The following KDM2B variants were observed in gnomAD, a reference collection of about 807,000 sequenced individuals.
KDM2B encodes lysine demethylase 2B, also known as lysine-specific demethylase 2B.
A neutral mutation model predicts 150.0 loss-of-function variants in KDM2B; 26 were observed. The observed-to-expected ratio is 0.17, with a 90% CI of 0.13 to 0.24. The LOEUF (loss-of-function observed/expected upper bound fraction) is 0.24. KDM2B is among the 10% of genes least tolerant of loss of function. The probability of loss-of-function intolerance (pLI) is 1.00; values close to 1 mark genes in which losing one functional copy is unlikely to be tolerated. For missense variants in KDM2B, 1,265 were observed against 1,816.9 expected, an observed-to-expected ratio of 0.70 and a Z score of 5.52; for synonymous variants, 734 against 729.5, an observed-to-expected ratio of 1.01 and a Z score of -0.10.
intron 8 of KDM2B, among the ~76,000 whole-genome samples, chr12:121,525,370 C>T (rs1436515140): frequency 6.6e-6 from 1 of 152,044 alleles, no homozygotes; most frequent in African/African-American, 2.4e-5. Flanking sequence ...AGGTTCAAGC[C>T]ATTCTCCTGC....
intron 4 of KDM2B, among the ~76,000 whole-genome samples, chr12:121,559,763 C>T (rs892924547): frequency 2.0e-5 from 3 of 151,872 alleles, no homozygotes; most frequent in African/African-American, 7.3e-5. Flanking sequence ...ATTAGTCAGG[C>T]ATGGTGGCGC....
intron 7 of KDM2B, among the ~76,000 whole-genome samples, chr12:121,534,151 C>T (rs1455738315): frequency 1.3e-5 from 2 of 152,094 alleles, no homozygotes; most frequent in African/African-American, 2.4e-5. Context: ...AGATCGAGAC[C>T]ATCCTGGCTA....
chr12:121,495,455 C>T (rs533672692), intron 11 of KDM2B, among the ~76,000 whole-genome samples: 37 of 152,302 alleles, frequency 2.4e-4, no homozygotes, highest in African/African-American at 8.9e-4. Flanking sequence ...GCCAACACGC[C>T]CAGCCATAAT....
At chr12:121,502,747 C>T (rs566839551) in intron 11 of KDM2B, among the ~76,000 whole-genome samples, 1 of 143,146 alleles carries the variant, frequency 7.0e-6, no homozygotes, top group East Asian at 2.0e-4. Context: ...CAGAGCGAGA[C>T]CCCCATCTCT....
chr12:121,501,146 A>G (rs1884505675), intron 11 of KDM2B, among the ~76,000 whole-genome samples: 1 of 152,150 alleles, frequency 6.6e-6, no homozygotes, highest in African/African-American at 2.4e-5. Flanking sequence ...AATTTAGGGT[A>G]GACCCTAAAC....
In KDM2B at chr12:121,513,451, G is replaced by A. The variant is rs1267564185; in HGVS notation, c.1048-49C>T. 6.3e-7 allele frequency: 1 copy of A among 1,594,100 alleles called. No individual in the cohort carries two copies. Among genetic ancestry groups the A allele is most frequent in the Non-Finnish European group, 8.6e-7 (1 of 1,164,284 alleles). On this transcript the variant is annotated intron_variant, in intron 9 of 22. Coordinates refer to ENST00000377071, the MANE Select transcript of KDM2B (RefSeq NM_032590.5). This position sits in a 1 kb window ranked among gnomAD's most constrained non-coding sequence, Gnocchi z 5.0. ...CAGAGGTCAGTTTCCAGAGGGCGAA[G>A]GGGGAAGGAGGGAGAGAAGTGCGGG...
chr12:121,490,924 C>T (rs1400895498), intron 12 of KDM2B, among the ~76,000 whole-genome samples: 1 of 152,158 alleles, frequency 6.6e-6, no homozygotes, highest in African/African-American at 2.4e-5. Flanking sequence ...AGATCAAATA[C>T]CACTCCCTAC....
chr12:121,517,679 C>G (rs1158348679), intron 9 of KDM2B, among the ~76,000 whole-genome samples: 2 of 151,756 alleles, frequency 1.3e-5, no homozygotes, highest in East Asian at 1.9e-4. Context: ...CCATGTTGGC[C>G]AGGCTGGTCT....
chr12:121,509,089 T>C (rs782774856), intron 11 of KDM2B, among the ~76,000 whole-genome samples: 11 of 152,106 alleles, frequency 7.2e-5, no homozygotes, highest in East Asian at 3.9e-4. Context: ...GACAGAGTCT[T>C]GCTCTGTTGC....
At chr12:121,482,219 A>C (rs1555298042) in intron 12 of KDM2B, among the ~76,000 whole-genome samples, 1 of 152,238 alleles carries the variant, frequency 6.6e-6, no homozygotes, top group African/African-American at 2.4e-5. Context: ...AAAACAGACA[A>C]TGCTGAAAAA....
At chr12:121,523,706 G>A (rs920530554) in intron 8 of KDM2B, among the ~76,000 whole-genome samples, 7 of 152,226 alleles carry the variant, frequency 4.6e-5, no homozygotes, top group Non-Finnish European at 7.3e-5. Context: ...GCCATCCTCA[G>A]GGGAGAGCAA....
chr12:121,549,416 G>A lies in KDM2B; in HGVS notation c.576+44C>T. On this transcript the variant is annotated intron_variant, in intron 5 of 22. Transcript: ENST00000377071. The surrounding 1 kb of genome is among the most constrained non-coding windows in gnomAD (Gnocchi z 4.4). Reference sequence around the variant, plus strand: ...GTGGCAGGGGGACAGGGAAGGAGATGAGGTGGAAGGTATCTGGGGAGGGTA... The same window carrying A: ...GTGGCAGGGGGACAGGGAAGGAGATAAGGTGGAAGGTATCTGGGGAGGGTA... 1 of 1,510,468 alleles carries A rather than the reference G, an allele frequency of 6.6e-7. No homozygotes were observed. Among genetic ancestry groups the A allele is most frequent in the Non-Finnish European group, 9.0e-7 (1 of 1,114,082 alleles). The allele number at this position is 1,510,468 out of a possible 1,614,324, so 93.6% of individuals were successfully genotyped here. A position where few individuals can be genotyped will look rare whatever the true frequency, so the allele number is the denominator to read the frequency against.
chr12:121,534,315 C>G lies in KDM2B; in HGVS notation c.777+182G>C, dbSNP rs371525758. 1.1e-4 allele frequency among the ~76,000 whole-genome samples: 16 copies of G among 151,308 alleles called. No homozygotes were observed. The East Asian group carries it at 3.1e-3, about 29-fold the overall frequency. The stretch of plus-strand genomic sequence containing the variant: ...AGTGAGCCGAGATTGCACCACTGCA[C>G]TCCAGCCTGGGCGACAGAGCGAGAC... On this transcript the variant is annotated intron_variant, in intron 7 of 22. Transcript: ENST00000377071.
intron 4 of KDM2B, among the ~76,000 whole-genome samples, chr12:121,554,721 T>C (rs183257905): frequency 6.6e-6 from 1 of 152,242 alleles, no homozygotes; most frequent in African/African-American, 2.4e-5. Flanking sequence ...TGTAACATAC[T>C]TTAAATTAAC....
the KDM2B span, chr12:121,418,467 T>C: frequency 6.5e-6 from 1 of 152,918 alleles, no homozygotes; most frequent in Admixed American, 6.5e-5. Context: ...GTAATTAATA[T>C]TTACTTGTAC....
the KDM2B span, chr12:121,419,832 G>C: frequency 1.2e-5 from 2 of 161,156 alleles, no homozygotes; most frequent in African/African-American, 4.8e-5. Context: ...AGATGCCCCT[G>C]ATGCTTGGGC....
At chr12:121,577,278 C>T (rs1891562431) in intron 2 of KDM2B, among the ~76,000 whole-genome samples, 1 of 152,074 alleles carries the variant, frequency 6.6e-6, no homozygotes, top group African/African-American at 2.4e-5. Context: ...TGAGAAAAAG[C>T]TCTGAAATCC....
At chr12:121,416,187 G>C in the KDM2B span, 2 of 1,614,008 alleles carry the variant, frequency 1.2e-6, no homozygotes, top group Non-Finnish European at 1.7e-6. Flanking sequence ...TGGGCTTCGT[G>C]CTGTGGGCTG....
chr12:121,423,526 C>CTG, the KDM2B span: 1 of 1,614,200 alleles, frequency 6.2e-7, no homozygotes, highest in Non-Finnish European at 8.5e-7. This position sits in a 1 kb window ranked among gnomAD's most constrained non-coding sequence, Gnocchi z 4.3. Context: ...GAGTGAGTGT[C>CTG]CCATCTGCCG....
Sources: allele counts gnomAD v4.1 joint callset (sites outside exome capture counted in the v4.1 genomes callset), GRCh38; gene constraint gnomAD v4.1.1; non-coding constraint Gnocchi (gnomAD v3.1); transcripts MANE v1.5; gene names NCBI Gene and HGNC (gene_info 2026-07-23, HGNC 2026-07-21).